The following TMPRSS11B variants were observed in gnomAD, a reference collection of about 807,000 sequenced individuals.
The protein encoded by TMPRSS11B is transmembrane serine protease 11B.
Under a neutral mutation model 44.7 loss-of-function variants are expected in TMPRSS11B, and 53 were observed. The observed-to-expected ratio is 1.19, with a 90% CI of 0.95 to 1.49. The LOEUF (loss-of-function observed/expected upper bound fraction) is 1.49, where lower values mean the gene tolerates loss of function less well. Ranked by LOEUF, TMPRSS11B falls within the 40% of genes most tolerant of loss-of-function variation. The pLI, the probability that TMPRSS11B is intolerant of heterozygous loss-of-function variation, is 0.00. For synonymous variants in TMPRSS11B, 140 were observed against 159.2 expected, an observed-to-expected ratio of 0.88 and a Z score of 0.91; for missense variants, 526 against 494.8, an observed-to-expected ratio of 1.06 and a Z score of -0.60.
At chr4:68,233,024 A>G (rs1281252923) in intron 5 of TMPRSS11B, among the ~76,000 whole-genome samples, 4 of 152,108 alleles carry the variant, frequency 2.6e-5, no homozygotes, top group African/African-American at 9.7e-5. Flanking sequence ...TCTCCTTACT[A>G]AGAATGAATC....
At chr4:68,230,447 C>A (rs1196102336) in intron 7 of TMPRSS11B, among the ~76,000 whole-genome samples, 2 of 152,076 alleles carry the variant, frequency 1.3e-5, no homozygotes, top group African/African-American at 4.8e-5. Flanking sequence ...TTCTGGATGG[C>A]AAGACAAGGA....
intron 5 of TMPRSS11B, 98 bp downstream of exon 5, chr4:68,234,365 C>G (rs912897782): frequency 1.5e-6 from 2 of 1,339,214 alleles, no homozygotes; most frequent in East Asian, 2.4e-5. Context: ...ATTTTTTTCC[C>G]GAATTACTAA....
rs185194457 is a variant in TMPRSS11B at position 68,230,884 on chromosome 4, A to G, written c.686+319T>C. 3.9e-5 allele frequency among the ~76,000 whole-genome samples: 6 copies of G among 152,234 alleles called. No individual in the cohort carries two copies. The South Asian group carries it at 8.3e-4, about 21-fold the overall frequency. ...GTGAGACTTAGTTTCCTCATCTTCAAATGGTTTTAACTATACCTTCCATAC... is the reference window on the plus strand; with the variant it reads ...GTGAGACTTAGTTTCCTCATCTTCAGATGGTTTTAACTATACCTTCCATAC... On this transcript the variant is annotated intron_variant, in intron 7 of 9. Coordinates refer to ENST00000332644, the MANE Select transcript of TMPRSS11B (RefSeq NM_182502.3).
At chr4:68,230,762 C>T (rs1719487738) in intron 7 of TMPRSS11B, among the ~76,000 whole-genome samples, 1 of 151,212 alleles carries the variant, frequency 6.6e-6, no homozygotes, top group Non-Finnish European at 1.5e-5. Flanking sequence ...TGAGATCGCA[C>T]CATTGCACTC....
At chr4:68,236,653 C>T (rs138909334) in intron 2 of TMPRSS11B, among the ~76,000 whole-genome samples, 16 of 152,256 alleles carry the variant, frequency 1.1e-4, no homozygotes, top group African/African-American at 3.9e-4. Flanking sequence ...CAGCACCCTC[C>T]TCAAAACAGC....
chr4:68,245,143 A>C (rs762001204), intron 1 of TMPRSS11B, among the ~76,000 whole-genome samples: 14 of 152,178 alleles, frequency 9.2e-5, no homozygotes, highest in Non-Finnish European at 1.9e-4. Flanking sequence ...ACATTATTCC[A>C]AAATATATAA....
rs376428535 is a variant in TMPRSS11B at position 68,236,153 on chromosome 4, T to C, written c.238A>G (p.Lys80Glu). The C allele has an allele frequency of 4.9e-5, 78 of 1,601,958 alleles. No individual in the cohort carries two copies. The highest frequency in any genetic ancestry group is 6.0e-5 in the Non-Finnish European group (71 of 1,173,716). ...AATTTTAAAAATCTCTGATTTACCTTAGTCTCAATATCTTTGCTTAGATTT... is the reference window on the plus strand; with the variant it reads ...AATTTTAAAAATCTCTGATTTACCTCAGTCTCAATATCTTTGCTTAGATTT... ...STNLSKDIETKMLNAFQNSSI... is the reference protein window; with the variant it reads ...STNLSKDIETEMLNAFQNSSI... Residue 80 changes from lysine to glutamate, a missense_variant and splice_region_variant, in exon 3 of 10, where the codon AAG (lysine) becomes GAG (glutamate). Coordinates refer to ENST00000332644, the MANE Select transcript of TMPRSS11B (RefSeq NM_182502.3).
At chr4:68,229,180 A>G (rs1577974562) in intron 8 of TMPRSS11B, 77 bp downstream of exon 8, 2 of 1,289,334 alleles carry the variant, frequency 1.6e-6, no homozygotes, top group East Asian at 2.5e-5. Flanking sequence ...GCATGAGGGG[A>G]TGATTGATTG....
chr4:68,236,130 T>A (rs1719657839), intron 3 of TMPRSS11B, 21 bp downstream of exon 3: 2 of 1,568,564 alleles, frequency 1.3e-6, no homozygotes, highest in Admixed American at 3.7e-5. Flanking sequence ...ATAAAATTAA[T>A]TTTAAAAATC....
Position 68,227,941 on chromosome 4 carries a change from G to A in TMPRSS11B, c.1221C>T (p.Arg407=). ...PGVYTRVTSY[R]NWITSKTGL ...GTCCAGTCTTGGATGTAATCCAATT[G>A]CGATAAGAAGTCACTCGAGTATAGA... Residue 407 remains arginine (R), a synonymous_variant, in exon 10 of 10, where the codon CGC becomes CGT. Coordinates refer to ENST00000332644, the MANE Select transcript of TMPRSS11B (RefSeq NM_182502.3). The A allele has an allele frequency of 6.2e-7, 1 of 1,610,958 alleles. No homozygotes were observed. The highest frequency in any genetic ancestry group is 1.1e-5 in the South Asian group (1 of 90,524).
chr4:68,243,274 A>G (rs573471694), intron 1 of TMPRSS11B, among the ~76,000 whole-genome samples: 26 of 152,324 alleles, frequency 1.7e-4, no homozygotes, highest in African/African-American at 6.0e-4. Flanking sequence ...CATATTTCCT[A>G]TGAGTATGTG....
At chr4:68,234,426 C>A (rs774004986) in intron 5 of TMPRSS11B, 37 bp downstream of exon 5, 8 of 1,529,976 alleles carry the variant, frequency 5.2e-6, no homozygotes, top group African/African-American at 1.4e-5. Context: ...CCAGAAAAAA[C>A]CTATGTAATA....
At chr4:68,232,472 G>C (rs951015961) in intron 5 of TMPRSS11B, 56 bp from the exon 6 acceptor site, 1 of 1,489,164 alleles carries the variant, frequency 6.7e-7, no homozygotes, top group Non-Finnish European at 9.3e-7. Flanking sequence ...CCAAGCAATT[G>C]ACTTCAACCT....
chr4:68,231,098 T>C (rs953903758), intron 7 of TMPRSS11B, 105 bp downstream of exon 7: 148 of 977,776 alleles, frequency 1.5e-4, no homozygotes, highest in Non-Finnish European at 2.0e-4. Context: ...GATTGTAAAT[T>C]TCATATGGCC....
chr4:68,234,387 C>T, intron 5 of TMPRSS11B, 76 bp downstream of exon 5: 1 of 1,480,792 alleles, frequency 6.8e-7, no homozygotes, highest in Non-Finnish European at 9.1e-7. Context: ...ACTCTTAGTT[C>T]ACTTTTTAGT....
At chr4:68,237,826 G>A (rs901909798) in intron 2 of TMPRSS11B, among the ~76,000 whole-genome samples, 12 of 152,102 alleles carry the variant, frequency 7.9e-5, no homozygotes, top group African/African-American at 2.7e-4. Flanking sequence ...GACCAGCCTG[G>A]ACAGCATAGT....
intron 5 of TMPRSS11B, among the ~76,000 whole-genome samples, chr4:68,234,172 C>G (rs1042944421): frequency 6.6e-6 from 1 of 151,138 alleles, no homozygotes; most frequent in Non-Finnish European, 1.5e-5. Flanking sequence ...AAAAAAAAAA[C>G]AAGAAGATAA....
chr4:68,237,443 C>A (rs1008785805), intron 2 of TMPRSS11B, among the ~76,000 whole-genome samples: 4 of 152,052 alleles, frequency 2.6e-5, no homozygotes, highest in Non-Finnish European at 5.9e-5. Flanking sequence ...GATTTATCAT[C>A]CTTTGGGTAT....
chr4:68,239,262 T>G (rs149976104), intron 2 of TMPRSS11B, among the ~76,000 whole-genome samples: 2,651 of 144,660 alleles, frequency 0.018, 63 homozygotes, highest in African/African-American at 0.064. Flanking sequence ...GCGCTCTCTC[T>G]CGCGCGCGCG....
Sources: allele counts gnomAD v4.1 joint callset (sites outside exome capture counted in the v4.1 genomes callset), GRCh38; gene constraint gnomAD v4.1.1; transcripts MANE v1.5; gene names NCBI Gene and HGNC (gene_info 2026-07-23, HGNC 2026-07-21).